The following CTNND2 variants were observed in gnomAD, a reference collection of about 807,000 sequenced individuals.
CTNND2 encodes catenin delta-2.
CTNND2 carries 22 observed loss-of-function variants against 144.4 expected under a neutral mutation model. The observed-to-expected ratio is 0.15, with a 90% CI of 0.11 to 0.22. The LOEUF (loss-of-function observed/expected upper bound fraction) is 0.22. CTNND2 is among the 10% of genes least tolerant of loss of function. The probability of loss-of-function intolerance (pLI) is 1.00; values close to 1 mark genes in which losing one functional copy is unlikely to be tolerated. For missense variants in CTNND2, 1,353 were observed against 1,618.8 expected, an observed-to-expected ratio of 0.84 and a Z score of 2.82; for synonymous variants, 751 against 695.6, an observed-to-expected ratio of 1.08 and a Z score of -1.25.
chr5:11,667,725 C>A (rs527813966), intron 2 of CTNND2, among the ~76,000 whole-genome samples: 40 of 152,276 alleles, frequency 2.6e-4, no homozygotes, highest in Middle Eastern at 3.4e-3. Context: ...TGTCTGTTCA[C>A]TCTGTTGATA....
intron 3 of CTNND2, among the ~76,000 whole-genome samples, chr5:11,426,363 C>T (rs1055381268): frequency 1.3e-5 from 2 of 152,210 alleles, no homozygotes; most frequent in Non-Finnish European, 2.9e-5. Flanking sequence ...GGGCCTGAGA[C>T]CTGTGCAGTT....
chr5:11,205,800 C>T (rs898763969), intron 10 of CTNND2, among the ~76,000 whole-genome samples: 2 of 152,134 alleles, frequency 1.3e-5, no homozygotes, highest in Admixed American at 6.5e-5. Context: ...GTTCTCCATT[C>T]GATAGGTGAA....
At chr5:11,729,230 A>G (rs1236399376) in intron 2 of CTNND2, among the ~76,000 whole-genome samples, 1 of 152,036 alleles carries the variant, frequency 6.6e-6, no homozygotes, top group East Asian at 1.9e-4. Context: ...CAAAATGAAT[A>G]ATACATTTTT....
At position 10,992,618 on chromosome 5, in the gene CTNND2, T is replaced by C. The variant is rs1561136256; in HGVS notation, c.3144A>G (p.Gln1048=). The C allele has an allele frequency of 6.2e-7, 1 of 1,614,082 alleles. No individual in the cohort carries two copies. The highest frequency in any genetic ancestry group is 8.5e-7 in the Non-Finnish European group (1 of 1,180,018). ...GCGTGCGGGAGGAGGAGTAGGGCCT[T>C]TGCCGGTCCCTCTCGATGGTTGAAG... is the stretch of plus-strand genomic sequence containing the variant. ...ASSSTIERDR[Q]RPYSSSRTPS... The change falls in exon 19 of 22, where the codon CAA becomes CAG. Residue 1048 remains glutamine, a synonymous_variant. Coordinates refer to ENST00000304623, the MANE Select transcript of CTNND2 (RefSeq NM_001332.4).
At chr5:11,817,698 G>T (rs1485717660) in intron 1 of CTNND2, among the ~76,000 whole-genome samples, 1 of 152,064 alleles carries the variant, frequency 6.6e-6, no homozygotes, top group Non-Finnish European at 1.5e-5. Flanking sequence ...GCATCTCCAC[G>T]CTCTGTCTCC....
At chr5:11,350,091 C>T (rs965708346) in intron 8 of CTNND2, among the ~76,000 whole-genome samples, 4 of 152,056 alleles carry the variant, frequency 2.6e-5, no homozygotes, top group East Asian at 3.9e-4. Context: ...GAGCTGAGAT[C>T]GTGCCATTGC....
intron 16 of CTNND2, among the ~76,000 whole-genome samples, chr5:11,027,930 C>T (rs772041750): frequency 2.0e-5 from 3 of 152,158 alleles, no homozygotes. Context: ...GTGTTTGTGA[C>T]TTTCTGTTTC....
intron 3 of CTNND2, among the ~76,000 whole-genome samples, chr5:11,454,893 C>T (rs781711179): frequency 9.3e-5 from 14 of 151,072 alleles, no homozygotes; most frequent in East Asian, 1.9e-4. Flanking sequence ...TGAGCCACCG[C>T]GCCTGGCTTT....
chr5:11,435,817 G>T (rs1421576226), intron 3 of CTNND2, among the ~76,000 whole-genome samples: 1 of 152,180 alleles, frequency 6.6e-6, no homozygotes, highest in Non-Finnish European at 1.5e-5. Flanking sequence ...ATTATCTGAA[G>T]GCTTTTTTAC....
rs1410750606 is a variant in CTNND2 at position 11,903,805 on chromosome 5, C to T, written c.37+12G>A. ...CTGCGCCCGGCCCCGGCCGCCCAGC[C>T]CCGCAACTCACCCAAAGGCGCGGCG... On this transcript the variant is annotated intron_variant, in intron 1 of 21. Transcript: ENST00000304623. The surrounding 1 kb of genome is among the most constrained non-coding windows in gnomAD (Gnocchi z 5.4). 1.0e-5 allele frequency: 15 copies of T among 1,480,886 alleles called. No individual in the cohort carries two copies. Among genetic ancestry groups the T allele is most frequent in the East Asian group, 3.0e-5 (1 of 33,822 alleles). 91.7% of individuals were successfully genotyped at this position (1,480,886 alleles called of 1,614,324 possible).
rs185761440 is a variant in CTNND2 at position 11,277,688 on chromosome 5, C to T, written c.1629-40865G>A. ...CTGGAATTACAGATGTGTGCCACCA[C>T]ACTTGGCTAATTTTTGTATTTTTAG... On this transcript the variant is annotated intron_variant, in intron 9 of 21. Coordinates refer to ENST00000304623, the MANE Select transcript of CTNND2 (RefSeq NM_001332.4). Among the ~76,000 whole-genome samples, 17 of 152,100 alleles carry T rather than the reference C, an allele frequency of 1.1e-4. 1 individual carries two copies. Among genetic ancestry groups the T allele is most frequent in the Admixed American group, 5.9e-4 (9 of 15,278 alleles).
chr5:11,735,638 G>T (rs1787640014), intron 1 of CTNND2, among the ~76,000 whole-genome samples: 2 of 152,300 alleles, frequency 1.3e-5, no homozygotes, highest in South Asian at 4.1e-4. Flanking sequence ...ACGGAGGCAG[G>T]TTTTGCCCAT....
chr5:11,901,789 C>T (rs963671471), intron 1 of CTNND2, among the ~76,000 whole-genome samples: 5 of 152,114 alleles, frequency 3.3e-5, no homozygotes, highest in Admixed American at 6.5e-5. Context: ...GCCCATCGGC[C>T]GCTCTGGGTA....
intron 1 of CTNND2, among the ~76,000 whole-genome samples, chr5:11,861,042 A>T (rs1795480514): frequency 6.6e-6 from 1 of 152,214 alleles, no homozygotes; most frequent in African/African-American, 2.4e-5. Context: ...GCCCTCTAAG[A>T]TGTAAACTAT....
At chr5:11,579,823 C>T (rs1778280103) in intron 2 of CTNND2, among the ~76,000 whole-genome samples, 1 of 152,184 alleles carries the variant, frequency 6.6e-6, no homozygotes, top group African/African-American at 2.4e-5. Context: ...CCATCAACTG[C>T]AGTTTTACCT....
intron 1 of CTNND2, among the ~76,000 whole-genome samples, chr5:11,837,205 A>G (rs1208838888): frequency 1.3e-5 from 2 of 152,210 alleles, no homozygotes; most frequent in Non-Finnish European, 2.9e-5. Flanking sequence ...TTTACTGGAC[A>G]TCTACCTCAA....
chr5:11,229,693 T>C (rs535436903), intron 10 of CTNND2, among the ~76,000 whole-genome samples: 8 of 151,932 alleles, frequency 5.3e-5, no homozygotes, highest in African/African-American at 1.9e-4. Context: ...ACTGTGTATA[T>C]ATACACATAT....
At chr5:11,595,244 C>A (rs1779445356) in intron 2 of CTNND2, among the ~76,000 whole-genome samples, 1 of 152,128 alleles carries the variant, frequency 6.6e-6, no homozygotes, top group South Asian at 2.1e-4. Context: ...GGACTTTTGC[C>A]TAGGGGCCTT....
At chr5:11,598,012 G>A (rs1358504827) in intron 2 of CTNND2, among the ~76,000 whole-genome samples, 1 of 152,064 alleles carries the variant, frequency 6.6e-6, no homozygotes, top group Non-Finnish European at 1.5e-5. Flanking sequence ...GATAAAAATA[G>A]CTGTATTTTT....
Sources: gnomAD v4.1 joint callset for allele counts (sites outside exome capture counted in the v4.1 genomes callset) on GRCh38, gnomAD v4.1.1 for gene constraint, Gnocchi (gnomAD v3.1) non-coding constraint, MANE v1.5 for transcripts, NCBI Gene and HGNC (gene_info 2026-07-23, HGNC 2026-07-21) for gene names.